NRXN1: variants seen among roughly 807,000 people sequenced by gnomAD.
The protein encoded by NRXN1 is neurexin-1.
NRXN1 carries 39 observed loss-of-function variants against 150.9 expected under a neutral mutation model. That is an observed-to-expected ratio of 0.26 (90% CI 0.20 to 0.34). The LOEUF (loss-of-function observed/expected upper bound fraction) is 0.34. NRXN1 is among the 10% of genes least tolerant of loss of function. NRXN1 has a pLI of 1.00. For missense variants in NRXN1, 1,815 were observed against 1,949.9 expected (o/e 0.93, Z 1.30); for synonymous variants, 924 against 757.0 (o/e 1.22, Z -3.62).
Position 50,465,521 on chromosome 2 carries a change from T to G in NRXN1, c.3285A>C (p.Gln1095His). 1 of 1,610,750 alleles carries G rather than the reference T, an allele frequency of 6.2e-7. No individual in the cohort carries two copies. The highest frequency in any genetic ancestry group is 8.5e-7 in the Non-Finnish European group (1 of 1,178,080). Residue 1095 changes from glutamine (Q) to histidine (H), a missense_variant, in exon 17 of 23, where the codon CAA becomes CAC. Transcript: ENST00000401669. ...TTCQEDSCSN[Q>H]GVCLQQWDGF... is the part of the protein sequence containing the mutation. ...CATCCCATTGTTGCAAGCACACACC[T>G]TGATTGGAACATGAGTCCTCTTGGC...
intron 5 of NRXN1, among the ~76,000 whole-genome samples, chr2:50,683,717 G>A (rs1316355962): frequency 7.1e-6 from 1 of 140,664 alleles, no homozygotes; most frequent in Non-Finnish European, 1.5e-5. Context: ...TTTAGTGTGA[G>A]GGCAAACAGC....
intron 17 of NRXN1, among the ~76,000 whole-genome samples, chr2:50,413,742 G>A (rs1421092867): frequency 1.3e-5 from 2 of 152,120 alleles, no homozygotes; most frequent in Non-Finnish European, 2.9e-5. Context: ...TATGTTTGTT[G>A]CAGCACTCTT....
At chr2:50,844,344 C>A (rs1477428894) in intron 5 of NRXN1, among the ~76,000 whole-genome samples, 1 of 152,190 alleles carries the variant, frequency 6.6e-6, no homozygotes, top group Non-Finnish European at 1.5e-5. Context: ...AATAACAAAA[C>A]TTTCTTCCCT....
intron 5 of NRXN1, among the ~76,000 whole-genome samples, chr2:50,704,090 T>C (rs990226891): frequency 3.3e-5 from 5 of 152,094 alleles, no homozygotes. Flanking sequence ...GGAAATTTTC[T>C]AGGTATGGAA....
At chr2:50,200,692 T>A (rs920293180) in intron 18 of NRXN1, among the ~76,000 whole-genome samples, 1 of 152,132 alleles carries the variant, frequency 6.6e-6, no homozygotes. Context: ...CTCTAGACTG[T>A]TTCTGCAAGA....
Position 50,217,050 on chromosome 2 carries a change from C to T in NRXN1, c.3546+19739G>A, listed in dbSNP as rs190012496. Among the ~76,000 whole-genome samples the T allele has an allele frequency of 1.2e-4, 18 of 152,016 alleles. No homozygotes were observed. In the East Asian group the frequency reaches 3.5e-3, roughly 30 times the overall value. ...AATGACCTTGTCATGTTTCTGTGAT[C>T]GTGGTAAAACACCTGGGTCAAGACA... On this transcript the variant is annotated intron_variant, in intron 18 of 22. Transcript: ENST00000401669.
At chr2:50,115,240 TAC>T (rs1215349485) in intron 18 of NRXN1, among the ~76,000 whole-genome samples, 6 of 133,984 alleles carry the variant, frequency 4.5e-5, no homozygotes, top group African/African-American at 8.1e-5. Context: ...TATATATATA[TAC>T]ACACACACAC....
At chr2:50,181,327 C>T (rs527860456) in intron 18 of NRXN1, among the ~76,000 whole-genome samples, 2 of 151,628 alleles carry the variant, frequency 1.3e-5, no homozygotes, top group South Asian at 2.1e-4. Flanking sequence ...AAAAAAAATA[C>T]CCTGTTTATT....
At chr2:50,751,675 T>A (rs1462306434) in intron 5 of NRXN1, among the ~76,000 whole-genome samples, 1 of 151,998 alleles carries the variant, frequency 6.6e-6, no homozygotes, top group Non-Finnish European at 1.5e-5. Context: ...TTCATGATGA[T>A]TCCTGCATTA....
intron 21 of NRXN1, among the ~76,000 whole-genome samples, chr2:50,031,298 T>C (rs1689142844): frequency 6.6e-6 from 1 of 152,018 alleles, no homozygotes; most frequent in Admixed American, 6.6e-5. Context: ...TGGTGTGTTT[T>C]TTTAAAAACG....
At position 50,589,595 on chromosome 2, in the gene NRXN1, CT is replaced by C. The variant is rs1374317076; in HGVS notation, c.1320+30426del. The stretch of plus-strand genomic sequence containing the variant: ...TCTCAAACTCCTGTTCTCAAGTGAT[CT>C]GCCCACATCAGACTCCCAAAGAGTT... On this transcript the variant is annotated intron_variant, in intron 8 of 22. Coordinates refer to ENST00000401669, the MANE Select transcript of NRXN1 (RefSeq NM_001330078.2). Among the ~76,000 whole-genome samples, 2 of 36,898 alleles carry C rather than the reference CT, an allele frequency of 5.4e-5. 1 individual carries two copies. The highest frequency in any genetic ancestry group is 9.0e-5 in the African/African-American group (2 of 22,272). 24.2% of individuals were successfully genotyped at this position (36,898 alleles called of 152,430 possible).
intron 22 of NRXN1, among the ~76,000 whole-genome samples, chr2:49,922,987 G>C (rs907279112): frequency 4.6e-5 from 7 of 152,102 alleles, no homozygotes; most frequent in Non-Finnish European, 7.4e-5. Context: ...TCAAAACTCT[G>C]AACTACCTAA....
At chr2:50,709,012 C>A (rs1279732716) in intron 5 of NRXN1, among the ~76,000 whole-genome samples, 2 of 152,148 alleles carry the variant, frequency 1.3e-5, no homozygotes, top group Non-Finnish European at 2.9e-5. Context: ...TGATTTCTAA[C>A]AGGGACTGTC....
intron 5 of NRXN1, among the ~76,000 whole-genome samples, chr2:50,685,427 C>T (rs942811715): frequency 1.3e-5 from 2 of 152,122 alleles, no homozygotes; most frequent in African/African-American, 2.4e-5. Context: ...ATGTAAGACC[C>T]AAATTACAAC....
chr2:50,227,189 T>C (rs1175606973), intron 18 of NRXN1, among the ~76,000 whole-genome samples: 2 of 151,866 alleles, frequency 1.3e-5, no homozygotes, highest in African/African-American at 4.8e-5. Context: ...AAGTTTGTTG[T>C]TGTTATTTTG....
intron 5 of NRXN1, among the ~76,000 whole-genome samples, chr2:50,692,512 T>TTA (rs1692220320): frequency 6.6e-6 from 1 of 152,246 alleles, no homozygotes; most frequent in South Asian, 2.1e-4. Flanking sequence ...TTCCCAGACA[T>TTA]GTTTAAAATT....
chr2:49,928,427 A>C (rs1347410297), intron 22 of NRXN1, among the ~76,000 whole-genome samples: 1 of 152,148 alleles, frequency 6.6e-6, no homozygotes, highest in African/African-American at 2.4e-5. Flanking sequence ...TCATTAGACC[A>C]GAGTTCTATA....
chr2:49,969,509 T>C (rs1677567073), intron 21 of NRXN1, among the ~76,000 whole-genome samples: 1 of 151,886 alleles, frequency 6.6e-6, no homozygotes, highest in Non-Finnish European at 1.5e-5. Context: ...GAAGTCATAA[T>C]GGCAGCCTTA....
chr2:50,886,137 T>C (rs1181047092), intron 5 of NRXN1, among the ~76,000 whole-genome samples: 1 of 151,262 alleles, frequency 6.6e-6, no homozygotes, highest in Non-Finnish European at 1.5e-5. Context: ...ATAACAAACA[T>C]ACACTGATGA....
Sources: gnomAD v4.1 joint callset for allele counts (sites outside exome capture counted in the v4.1 genomes callset) on GRCh38, gnomAD v4.1.1 for gene constraint, MANE v1.5 for transcripts, NCBI Gene and HGNC (gene_info 2026-07-23, HGNC 2026-07-21) for gene names.